The following CDH12 variants were observed in gnomAD, a reference collection of about 807,000 sequenced individuals.
The protein encoded by CDH12 is cadherin-12.
Under a neutral mutation model 74.1 loss-of-function variants are expected in CDH12, and 41 were observed. That is an observed-to-expected ratio of 0.55 (90% CI 0.43 to 0.72). The LOEUF is 0.72. Among genes scored for constraint, CDH12 ranks in the 30% least tolerant of loss-of-function variants. CDH12 has a pLI of 0.00. For synonymous variants in CDH12, 399 were observed against 355.0 expected (o/e 1.12, Z -1.39); for missense variants, 945 against 977.2 (o/e 0.97, Z 0.44).
chr5:22,554,078 T>C (rs1282474920), intron 1 of CDH12, among the ~76,000 whole-genome samples: 1 of 152,138 alleles, frequency 6.6e-6, no homozygotes. Flanking sequence ...AGAAAGAATT[T>C]TGAAGTGTTT....
intron 3 of CDH12, among the ~76,000 whole-genome samples, chr5:22,264,048 C>T (rs1210450623): frequency 1.3e-5 from 2 of 151,368 alleles, no homozygotes; most frequent in African/African-American, 4.9e-5. Context: ...AACCACATTG[C>T]TCTGAAAATC....
At chr5:21,871,764 A>T (rs1365783098) in intron 6 of CDH12, among the ~76,000 whole-genome samples, 1 of 152,052 alleles carries the variant, frequency 6.6e-6, no homozygotes, top group Non-Finnish European at 1.5e-5. Context: ...AAATACCTAC[A>T]TACTCAATCT....
rs547799874 is a variant in CDH12 at position 22,611,989 on chromosome 5, A to G, written c.-522-106625T>C. ...ATAGGGAATTTGATTTTTCCTCTTC[A>G]TGGCATTGAATTCTGAATGGAATTC... is the stretch of plus-strand genomic sequence containing the variant. On this transcript the variant is annotated intron_variant, in intron 1 of 14. Transcript: ENST00000382254. Among the ~76,000 whole-genome samples, 8 of 152,234 alleles carry G rather than the reference A, an allele frequency of 5.3e-5. No homozygotes were observed. The South Asian group carries it at 1.7e-3, about 32-fold the overall frequency.
intron 12 of CDH12, among the ~76,000 whole-genome samples, chr5:21,762,854 C>A (rs1282610079): frequency 1.3e-5 from 2 of 148,562 alleles, no homozygotes; most frequent in Non-Finnish European, 3.0e-5. Flanking sequence ...TCCTTAACCA[C>A]CTAAAAGCTA....
chr5:22,073,366 C>T (rs997934770), intron 5 of CDH12, among the ~76,000 whole-genome samples: 3 of 152,090 alleles, frequency 2.0e-5, no homozygotes, highest in Admixed American at 2.0e-4. Flanking sequence ...TTCTGGATAC[C>T]TAACTTGGAG....
chr5:22,719,166 T>C (rs1204230964), intron 1 of CDH12, among the ~76,000 whole-genome samples: 4 of 152,164 alleles, frequency 2.6e-5, no homozygotes, highest in African/African-American at 9.7e-5. Context: ...CTTTGCAGTT[T>C]GGCTTAAGTC....
intron 3 of CDH12, among the ~76,000 whole-genome samples, chr5:22,276,408 T>C (rs558144929): frequency 7.9e-5 from 12 of 152,348 alleles, no homozygotes; most frequent in South Asian, 4.1e-4. Flanking sequence ...ATATGTCTTG[T>C]ACTAGTATTA....
chr5:22,604,458 T>C (rs1172934831), intron 1 of CDH12, among the ~76,000 whole-genome samples: 3 of 152,190 alleles, frequency 2.0e-5, no homozygotes, highest in Non-Finnish European at 4.4e-5. Context: ...AGGCTCACCT[T>C]TCTCAGATGA....
At chr5:22,832,324 G>T (rs911131278) in intron 1 of CDH12, among the ~76,000 whole-genome samples, 8 of 152,152 alleles carry the variant, frequency 5.3e-5, no homozygotes, top group African/African-American at 1.9e-4. Context: ...ATATTAAAAC[G>T]TTAGCCAATA....
At chr5:22,410,531 AT>A (rs1268222510) in intron 2 of CDH12, among the ~76,000 whole-genome samples, 2 of 152,100 alleles carry the variant, frequency 1.3e-5, no homozygotes, top group Admixed American at 1.3e-4. Flanking sequence ...ATACTTCTAC[AT>A]GGCTATCTAT....
At chr5:22,806,845 T>G (rs890605002) in intron 1 of CDH12, among the ~76,000 whole-genome samples, 1 of 152,190 alleles carries the variant, frequency 6.6e-6, no homozygotes, top group African/African-American at 2.4e-5. Flanking sequence ...TAAATTTGTT[T>G]AAGTTATTTG....
At chr5:22,820,882 T>C (rs1281644945) in intron 1 of CDH12, among the ~76,000 whole-genome samples, 2 of 152,132 alleles carry the variant, frequency 1.3e-5, no homozygotes, top group African/African-American at 4.8e-5. Context: ...TAACTCATTT[T>C]ATGAGGCCAG....
intron 3 of CDH12, among the ~76,000 whole-genome samples, chr5:22,384,839 A>C (rs1741932575): frequency 6.6e-6 from 1 of 152,170 alleles, no homozygotes; most frequent in South Asian, 2.1e-4. Context: ...AATAAAAATA[A>C]TAGTGCAGTC....
chr5:22,562,248 T>C (rs915868405), intron 1 of CDH12, among the ~76,000 whole-genome samples: 4 of 149,856 alleles, frequency 2.7e-5, no homozygotes, highest in Admixed American at 6.6e-5. Flanking sequence ...ACCCGGGAGG[T>C]GGAGCTGGCA....
chr5:22,144,518 A>T (rs1747031226), intron 4 of CDH12, among the ~76,000 whole-genome samples: 1 of 152,164 alleles, frequency 6.6e-6, no homozygotes, highest in Non-Finnish European at 1.5e-5. Flanking sequence ...AATGCCTCAC[A>T]GTCAAAATTT....
At chr5:22,263,141 G>A (rs928455374) in intron 3 of CDH12, among the ~76,000 whole-genome samples, 3 of 152,092 alleles carry the variant, frequency 2.0e-5, no homozygotes, top group Non-Finnish European at 4.4e-5. Flanking sequence ...TATTTCTATA[G>A]ATATACTTCC....
At chr5:22,780,743 C>G (rs1022971137) in intron 1 of CDH12, among the ~76,000 whole-genome samples, 1 of 152,086 alleles carries the variant, frequency 6.6e-6, no homozygotes, top group African/African-American at 2.4e-5. Context: ...CCACTACACT[C>G]TGGCGTAGGT....
chr5:22,646,624 G>A (rs143470223), intron 1 of CDH12, among the ~76,000 whole-genome samples: 1,762 of 151,860 alleles, frequency 0.012, 21 homozygotes, highest in Non-Finnish European at 0.017. Flanking sequence ...AATAAACAAA[G>A]CAAATATTAG....
intron 1 of CDH12, among the ~76,000 whole-genome samples, chr5:22,600,657 A>T (rs1736815050): frequency 6.6e-6 from 1 of 151,824 alleles, no homozygotes; most frequent in African/African-American, 2.4e-5. Flanking sequence ...GGTATTATTG[A>T]TTTTTGAATA....
Sources: gnomAD v4.1 joint callset for allele counts (sites outside exome capture counted in the v4.1 genomes callset) on GRCh38, gnomAD v4.1.1 for gene constraint, MANE v1.5 for transcripts, NCBI Gene and HGNC (gene_info 2026-07-23, HGNC 2026-07-21) for gene names.